The following ADAMTSL1 variants were observed in gnomAD, a reference collection of about 807,000 sequenced individuals.
ADAMTSL1 encodes ADAMTS-like protein 1.
Under a neutral mutation model 201.8 loss-of-function variants are expected in ADAMTSL1, and 126 were observed. The ratio of observed to expected loss-of-function variants is 0.62; its 90% CI spans 0.54 to 0.72. The LOEUF (loss-of-function observed/expected upper bound fraction) is 0.72, where lower values mean the gene tolerates loss of function less well. Ranked by LOEUF, ADAMTSL1 falls within the 30% of genes least tolerant of loss-of-function variation. The pLI is 0.00. For synonymous variants in ADAMTSL1, 1,121 were observed against 903.4 expected, an observed-to-expected ratio of 1.24 and a Z score of -4.32; for missense variants, 2,679 against 2,277.8, an observed-to-expected ratio of 1.18 and a Z score of -3.59.
At chr9:18,014,759 A>G (rs1280320114) in intron 1 of ADAMTSL1, among the ~76,000 whole-genome samples, 1 of 152,076 alleles carries the variant, frequency 6.6e-6, no homozygotes, top group African/African-American at 2.4e-5. Flanking sequence ...ATGACAGCTC[A>G]GGTCTGAATC....
intron 2 of ADAMTSL1, among the ~76,000 whole-genome samples, chr9:18,319,396 C>T (rs551177076): frequency 3.3e-5 from 5 of 152,180 alleles, no homozygotes; most frequent in African/African-American, 1.2e-4. Context: ...GCAAAACAGT[C>T]TTAATGTAAT....
intron 3 of ADAMTSL1, among the ~76,000 whole-genome samples, chr9:18,538,313 G>A (rs1819919074): frequency 6.6e-6 from 1 of 152,078 alleles, no homozygotes; most frequent in South Asian, 2.1e-4. Flanking sequence ...CTCCAGCATT[G>A]TTGTGTGAAA....
intron 12 of ADAMTSL1, among the ~76,000 whole-genome samples, chr9:18,683,613 A>T (rs1830654068): frequency 6.6e-6 from 1 of 152,114 alleles, no homozygotes; most frequent in African/African-American, 2.4e-5. Context: ...AATGTTAGCA[A>T]ATCATTTTGG....
chr9:18,648,811 GC>G (rs1303803876), intron 7 of ADAMTSL1, among the ~76,000 whole-genome samples: 1 of 151,964 alleles, frequency 6.6e-6, no homozygotes, highest in Non-Finnish European at 1.5e-5. Context: ...CTCTCTGGCT[GC>G]CCTTAACATT....
chr9:18,286,033 TTCTC>T (rs57298631), intron 2 of ADAMTSL1, among the ~76,000 whole-genome samples: 19 of 150,016 alleles, frequency 1.3e-4, no homozygotes, highest in Admixed American at 1.3e-3. Context: ...ACTGGTTACT[TTCTC>T]TCTCTCTCTC....
chr9:18,431,402 C>A (rs1027020435), intron 2 of ADAMTSL1, among the ~76,000 whole-genome samples: 2 of 152,178 alleles, frequency 1.3e-5, no homozygotes, highest in Non-Finnish European at 2.9e-5. Context: ...TTAGACTAAG[C>A]TTGTACATAT....
chr9:18,236,246 A>G (rs191479468), intron 2 of ADAMTSL1, among the ~76,000 whole-genome samples: 20 of 152,052 alleles, frequency 1.3e-4, no homozygotes, highest in Admixed American at 5.2e-4. Flanking sequence ...AATTTTTTGT[A>G]TTTTTACTAG....
In ADAMTSL1 at chr9:18,347,990, G is replaced by A. The variant is rs189786673; in HGVS notation, c.208-156839G>A. ...AGTTGAATTTGGTTAAAGGGAAGAA[G>A]AAAGGAAAGCATTGAAAGCTTGAAT... On this transcript the variant is annotated intron_variant, in intron 2 of 29. Transcript: ENST00000680146. Among the ~76,000 whole-genome samples the A allele has an allele frequency of 6.3e-3, 966 of 152,294 alleles. 16 individuals carry two copies. The highest frequency in any genetic ancestry group is 6.8e-3 in the Middle Eastern group (2 of 294).
upstream of ADAMTSL1, chr9:18,473,881 T>C (rs1158076667): frequency 3.2e-6 from 1 of 315,534 alleles, no homozygotes. Context: ...TTTGCAATTC[T>C]GCATCTTTTG....
At chr9:18,904,423 T>G (rs1269330401) in intron 26 of ADAMTSL1, among the ~76,000 whole-genome samples, 3 of 151,818 alleles carry the variant, frequency 2.0e-5, no homozygotes, top group Non-Finnish European at 4.4e-5. Flanking sequence ...AAGCCGAGAT[T>G]GCACCACTGC....
At chr9:18,336,843 A>T (rs944321323) in intron 2 of ADAMTSL1, among the ~76,000 whole-genome samples, 5 of 152,172 alleles carry the variant, frequency 3.3e-5, no homozygotes, top group African/African-American at 7.2e-5. Context: ...TGGCCATCTC[A>T]TTGGGACCAT....
intron 20 of ADAMTSL1, among the ~76,000 whole-genome samples, chr9:18,798,052 A>G (rs1198195031): frequency 6.6e-6 from 1 of 151,928 alleles, no homozygotes; most frequent in African/African-American, 2.4e-5. Context: ...TGGAAACTGC[A>G]GGGGTTTTTT....
intron 2 of ADAMTSL1, among the ~76,000 whole-genome samples, chr9:18,527,793 A>G (rs955662936): frequency 6.6e-6 from 1 of 152,222 alleles, no homozygotes; most frequent in Non-Finnish European, 1.5e-5. Flanking sequence ...GAATTAAATC[A>G]AAATCTGACT....
intron 2 of ADAMTSL1, among the ~76,000 whole-genome samples, chr9:18,340,128 T>A (rs1835410669): frequency 6.6e-6 from 1 of 152,178 alleles, no homozygotes; most frequent in African/African-American, 2.4e-5. Flanking sequence ...GAGAAACAAA[T>A]GGGAAATCTG....
At chr9:18,617,447 C>G (rs1353810479) in intron 4 of ADAMTSL1, among the ~76,000 whole-genome samples, 1 of 145,854 alleles carries the variant, frequency 6.9e-6, no homozygotes, top group Non-Finnish European at 1.5e-5. Flanking sequence ...CATACTAAGT[C>G]TCTGAGCCAA....
rs868762460 is a variant in ADAMTSL1, at chr9:18,399,327, A to T, written c.208-105502A>T. Among the ~76,000 whole-genome samples, 50 of 113,066 alleles carry T rather than the reference A, an allele frequency of 4.4e-4. 2 individuals carry two copies. The highest frequency in any genetic ancestry group is 1.8e-3 in the African/African-American group (50 of 27,790). 74.2% of individuals were successfully genotyped at this position (113,066 alleles called of 152,430 possible). A position where few individuals can be genotyped will look rare whatever the true frequency, so the allele number is the denominator to read the frequency against. On this transcript the variant is annotated intron_variant, in intron 2 of 29. Transcript: ENST00000680146. ...TATATATATATATATATATATATATATAAAATTATTATTTTCTTTTTTTCT... is the reference window on the plus strand; with the variant it reads ...TATATATATATATATATATATATATTTAAAATTATTATTTTCTTTTTTTCT...
chr9:17,943,311 G>A (rs533869257), intron 1 of ADAMTSL1, among the ~76,000 whole-genome samples: 5 of 152,222 alleles, frequency 3.3e-5, no homozygotes, highest in Middle Eastern at 3.4e-3. Flanking sequence ...ATTCCTTAAA[G>A]ATTAACATAT....
intron 1 of ADAMTSL1, among the ~76,000 whole-genome samples, chr9:17,914,290 G>A (rs554221371): frequency 1.7e-3 from 254 of 152,098 alleles, no homozygotes; most frequent in African/African-American, 5.6e-3. Context: ...CTGGCAAACC[G>A]AATCCAGCAG....
chr9:18,178,143 C>T (rs1000602482), intron 2 of ADAMTSL1, among the ~76,000 whole-genome samples: 1 of 152,188 alleles, frequency 6.6e-6, no homozygotes, highest in Non-Finnish European at 1.5e-5. Context: ...GAGTGCCAGA[C>T]AGTGGGCGCA....
Sources: allele counts gnomAD v4.1 joint callset (sites outside exome capture counted in the v4.1 genomes callset), GRCh38; gene constraint gnomAD v4.1.1; transcripts MANE v1.5; gene names NCBI Gene and HGNC (gene_info 2026-07-23, HGNC 2026-07-21).